Variants in CFAP97 observed in about 807,000 individuals in gnomAD.
The protein encoded by CFAP97 is cilia and flagella associated protein 97, also known as cilia- and flagella-associated protein 97.
Under a neutral mutation model 43.1 loss-of-function variants are expected in CFAP97, and 36 were observed. The ratio of observed to expected loss-of-function variants is 0.84; its 90% CI spans 0.64 to 1.10. CFAP97 has a LOEUF of 1.10. Ranked by LOEUF, CFAP97 falls within the 50% of genes least tolerant of loss-of-function variation. CFAP97 has a pLI of 0.00. For missense variants in CFAP97, 657 were observed against 620.3 expected (o/e 1.06, Z -0.63); for synonymous variants, 228 against 225.7 (o/e 1.01, Z -0.09).
intron 2 of CFAP97, among the ~76,000 whole-genome samples, chr4:185,181,523 C>T (rs1735790086): frequency 6.6e-6 from 1 of 151,914 alleles, no homozygotes; most frequent in Non-Finnish European, 1.5e-5. Context: ...CAGGGTTTCT[C>T]CATGTTGGTC....
chr4:185,162,960 T>G, intron 4 of CFAP97, 35 bp from the exon 5 acceptor site: 1 of 1,492,234 alleles, frequency 6.7e-7, no homozygotes, highest in Non-Finnish European at 8.9e-7. Flanking sequence ...TCTGAGAAAC[T>G]TCTCCTCACT....
At chr4:185,199,715 TA>T (rs1736738270) in intron 1 of CFAP97, among the ~76,000 whole-genome samples, 1 of 152,168 alleles carries the variant, frequency 6.6e-6, no homozygotes, top group African/African-American at 2.4e-5. Context: ...AGAATTATGC[TA>T]AATCTACTCT....
intron 1 of CFAP97, among the ~76,000 whole-genome samples, chr4:185,197,221 T>C (rs984691777): frequency 2.0e-5 from 3 of 151,672 alleles, no homozygotes; most frequent in African/African-American, 7.3e-5. Context: ...AGATGGATGA[T>C]TACACTGAAG....
intron 1 of CFAP97, among the ~76,000 whole-genome samples, chr4:185,201,970 T>C (rs887625394): frequency 1.3e-5 from 2 of 152,206 alleles, no homozygotes; most frequent in African/African-American, 2.4e-5. Flanking sequence ...ACGTATGCCT[T>C]TTCTCCTGTT....
intron 3 of CFAP97, among the ~76,000 whole-genome samples, chr4:185,168,296 C>CTT (rs11372860): frequency 1.9e-3 from 280 of 148,662 alleles, no homozygotes; most frequent in Admixed American, 3.0e-3. Flanking sequence ...AGTTTGCCCA[C>CTT]TTTTTTTTTT....
chr4:185,186,388 G>A (rs896621422), intron 2 of CFAP97, among the ~76,000 whole-genome samples: 6 of 152,072 alleles, frequency 3.9e-5, no homozygotes, highest in South Asian at 2.1e-4. Context: ...AGCCAAGCTC[G>A]CGCCACTGCA....
At chr4:185,168,458 T>C (rs79934791) in intron 3 of CFAP97, among the ~76,000 whole-genome samples, 4,245 of 151,078 alleles carry the variant, frequency 0.028, 94 homozygotes, top group Middle Eastern at 0.073. Flanking sequence ...AATACAAAAA[T>C]TAGCTAGGCA....
At chr4:185,177,370 G>A (rs1318171891) in intron 2 of CFAP97, among the ~76,000 whole-genome samples, 6 of 150,380 alleles carry the variant, frequency 4.0e-5, no homozygotes, top group Admixed American at 1.3e-4. Context: ...CCGAGATTGC[G>A]CCATTGCACT....
intron 1 of CFAP97, among the ~76,000 whole-genome samples, chr4:185,191,519 T>C (rs1435047398): frequency 3.4e-4 from 51 of 152,118 alleles, no homozygotes; most frequent in Admixed American, 3.3e-3. Context: ...ATCTGCCTTC[T>C]ATAAATTAAG....
intron 1 of CFAP97, among the ~76,000 whole-genome samples, chr4:185,200,896 T>C (rs1736789199): frequency 6.6e-6 from 1 of 152,216 alleles, no homozygotes; most frequent in Non-Finnish European, 1.5e-5. Flanking sequence ...AAGAAAGTAG[T>C]TTCTTGAGAT....
intron 1 of CFAP97, among the ~76,000 whole-genome samples, chr4:185,196,881 T>C (rs1217469536): frequency 6.6e-6 from 1 of 151,998 alleles, no homozygotes; most frequent in African/African-American, 2.4e-5. Flanking sequence ...GAATGGATTA[T>C]TTGAGGTCAG....
intron 3 of CFAP97, among the ~76,000 whole-genome samples, chr4:185,167,957 C>T (rs925642719): frequency 5.4e-5 from 8 of 148,170 alleles, no homozygotes; most frequent in Non-Finnish European, 1.2e-4. Flanking sequence ...CGAGACTGTG[C>T]CACTGCACTC....
At chr4:185,197,924 T>G (rs1736628619) in intron 1 of CFAP97, among the ~76,000 whole-genome samples, 1 of 152,170 alleles carries the variant, frequency 6.6e-6, no homozygotes, top group Admixed American at 6.5e-5. Context: ...AAATTAAGAC[T>G]GCTACTTCAG....
chr4:185,167,998 C>CAAAAA (rs1195340198), intron 3 of CFAP97, among the ~76,000 whole-genome samples: 2 of 54,696 alleles, frequency 3.7e-5, no homozygotes, highest in African/African-American at 5.3e-5. Flanking sequence ...GACTCCTTCT[C>CAAAAA]AAAAAAAAAA....
intron 3 of CFAP97, among the ~76,000 whole-genome samples, chr4:185,170,750 C>T (rs1344180575): frequency 6.6e-6 from 1 of 150,428 alleles, no homozygotes; most frequent in African/African-American, 2.4e-5. Context: ...TTTGAGACGC[C>T]GAGGCTGGTG....
chr4:185,197,946 A>G (rs1444105607), intron 1 of CFAP97, among the ~76,000 whole-genome samples: 1 of 152,204 alleles, frequency 6.6e-6, no homozygotes, highest in African/African-American at 2.4e-5. Context: ...GAACATGGGA[A>G]TAAGAAAGCG....
At chr4:185,197,575 G>C (rs989428880) in intron 1 of CFAP97, among the ~76,000 whole-genome samples, 2 of 151,900 alleles carry the variant, frequency 1.3e-5, no homozygotes, top group Admixed American at 1.3e-4. Context: ...TTACAGGCAC[G>C]TGCCACCACA....
chr4:185,170,773 T>C (rs1579232901), intron 3 of CFAP97, among the ~76,000 whole-genome samples: 1 of 150,980 alleles, frequency 6.6e-6, no homozygotes, highest in Non-Finnish European at 1.5e-5. Context: ...TCACCTGAGG[T>C]CAGGAGTTTG....
intron 2 of CFAP97, among the ~76,000 whole-genome samples, chr4:185,176,615 C>T (rs1735555571): frequency 6.6e-6 from 1 of 152,126 alleles, no homozygotes; most frequent in Non-Finnish European, 1.5e-5. Flanking sequence ...TAGTACTGGT[C>T]TTTAGGCTAG....
Sources: gnomAD v4.1 joint callset for allele counts (sites outside exome capture counted in the v4.1 genomes callset) on GRCh38, gnomAD v4.1.1 for gene constraint, MANE v1.5 for transcripts, NCBI Gene and HGNC (gene_info 2026-07-23, HGNC 2026-07-21) for gene names.